Variants in PCDHAC2 observed in about 807,000 individuals in gnomAD.
PCDHAC2 encodes the protein protocadherin alpha-C2.
A neutral mutation model predicts 63.3 loss-of-function variants in PCDHAC2; 24 were observed. The ratio of observed to expected loss-of-function variants is 0.38; its 90% CI spans 0.27 to 0.53. The LOEUF (loss-of-function observed/expected upper bound fraction) is 0.53. Among genes scored for constraint, PCDHAC2 ranks in the 20% least tolerant of loss-of-function variants. The pLI, the probability that PCDHAC2 is intolerant of heterozygous loss-of-function variation, is 0.81. For missense variants in PCDHAC2, 1,181 were observed against 1,275.2 expected (o/e 0.93, Z 1.12); for synonymous variants, 569 against 529.4 (o/e 1.07, Z -1.03).
intron 3 of PCDHAC2, among the ~76,000 whole-genome samples, chr5:141,005,530 C>T (rs920110529): frequency 1.3e-5 from 2 of 151,002 alleles, no homozygotes; most frequent in Non-Finnish European, 3.0e-5. Context: ...GGTGAAACCC[C>T]GTCTCTACTA....
At chr5:141,003,095 T>C (rs1245011518) in intron 3 of PCDHAC2, among the ~76,000 whole-genome samples, 3 of 152,258 alleles carry the variant, frequency 2.0e-5, no homozygotes, top group African/African-American at 7.2e-5. Flanking sequence ...AGGCCTGGCA[T>C]TTGCTTCACA....
rs139974024 is a variant in PCDHAC2 at position 140,967,301 on chromosome 5, G to A, written c.535G>A (p.Ala179Thr). 5.0e-5 allele frequency: 81 copies of A among 1,612,148 alleles called. No homozygotes were observed. In the African/African-American group the frequency reaches 9.1e-4, roughly 18 times the overall value. ...IESAQDPDVG[A>T]NSVQTYELSP... ...GAGTGCGCAGGACCCCGACGTGGGC[G>A]CCAACTCAGTACAGACCTACGAGCT... Residue 179 changes from alanine (A) to threonine (T), a missense_variant, in exon 1 of 4, where the codon GCC becomes ACC. This residue lies in a region of PCDHAC2 where 968 missense variants were observed against 1,073.5 expected (regional missense o/e 0.90). Coordinates refer to ENST00000289269, the MANE Select transcript of PCDHAC2 (RefSeq NM_018899.6).
intron 3 of PCDHAC2, among the ~76,000 whole-genome samples, chr5:140,992,189 G>T (rs1554252741): frequency 6.6e-6 from 1 of 152,098 alleles, no homozygotes; most frequent in Non-Finnish European, 1.5e-5. Context: ...TGCTTTCAGT[G>T]ATCTATCCAA....
chr5:140,967,879 T>C lies in PCDHAC2; in HGVS notation c.1113T>C (p.Tyr371=). Residue 371 remains tyrosine (Y), a synonymous_variant, in exon 1 of 4, where the codon TAT becomes TAC. Coordinates refer to ENST00000289269, the MANE Select transcript of PCDHAC2 (RefSeq NM_018899.6). ...NAPEVVLTDL[Y]SPVPENATPN... ...CAGAGGTGGTGCTCACGGACCTGTA[T>C]AGCCCAGTGCCTGAGAATGCTACAC... 6.2e-7 allele frequency: 1 copy of C among 1,614,104 alleles called. No homozygotes were observed. Among genetic ancestry groups the C allele is most frequent in the Non-Finnish European group, 8.5e-7 (1 of 1,179,998 alleles).
Position 140,967,085 on chromosome 5 carries a change from C to A in PCDHAC2, c.319C>A (p.Arg107=), listed in dbSNP as rs155809. Residue 107 remains arginine (R), a synonymous_variant, in exon 1 of 4, where the codon CGG becomes AGG. Coordinates refer to ENST00000289269, the MANE Select transcript of PCDHAC2 (RefSeq NM_018899.6). ...GCTCTTCGTCAACGAGCGCATTGAT[C>A]GGGAGGCGCTGTGTGAGCAGCGGCC... The part of the protein sequence containing the change: ...GALFVNERID[R]EALCEQRPRC... The A allele has an allele frequency of 3.0e-3, 4,870 of 1,613,198 alleles. 112 individuals are homozygous for A. The African/African-American group carries it at 0.056, about 18-fold the overall frequency.
At chr5:140,996,947 T>C (rs1224598113) in intron 3 of PCDHAC2, among the ~76,000 whole-genome samples, 2 of 152,176 alleles carry the variant, frequency 1.3e-5, no homozygotes, top group Non-Finnish European at 2.9e-5. Context: ...CATAGAAATA[T>C]TTATTTCCCT....
At chr5:140,989,321 C>T (rs898791820) in intron 3 of PCDHAC2, among the ~76,000 whole-genome samples, 2 of 152,296 alleles carry the variant, frequency 1.3e-5, no homozygotes, top group Non-Finnish European at 1.5e-5. Context: ...GTCTCACCAA[C>T]TTTGCCACCT....
intron 3 of PCDHAC2, among the ~76,000 whole-genome samples, chr5:141,003,801 A>T (rs1554259323): frequency 1.3e-5 from 2 of 152,172 alleles, no homozygotes; most frequent in African/African-American, 4.8e-5. Context: ...ATTGGGTTGT[A>T]ATCTGTAGTC....
At chr5:141,000,361 GTCTCTCTCTCTCTCTCTC>G (rs148596731) in intron 3 of PCDHAC2, among the ~76,000 whole-genome samples, 25 of 26,446 alleles carry the variant, frequency 9.5e-4, no homozygotes, top group African/African-American at 4.9e-3. Context: ...GTCTCTCTCT[GTCTCTCTCTCTCTCTCTC>G]TCTCTCTCTC....
intron 3 of PCDHAC2, among the ~76,000 whole-genome samples, chr5:141,005,737 G>GATGAGAA (rs1365089563): frequency 2.8e-5 from 4 of 143,576 alleles, no homozygotes; most frequent in Non-Finnish European, 6.0e-5. Context: ...AAAAAGAATG[G>GATGAGAA]ATGAGAAATC....
chr5:141,004,423 C>T (rs2098165944), intron 3 of PCDHAC2, among the ~76,000 whole-genome samples: 1 of 152,202 alleles, frequency 6.6e-6, no homozygotes, highest in Non-Finnish European at 1.5e-5. Context: ...TCTCTGCCTC[C>T]TGGAGTTTAG....
At chr5:140,972,415 A>G (rs1048437043) in intron 1 of PCDHAC2, among the ~76,000 whole-genome samples, 2 of 152,138 alleles carry the variant, frequency 1.3e-5, no homozygotes, top group East Asian at 3.9e-4. Flanking sequence ...AACCCTGTTA[A>G]GATCTTTTAT....
At chr5:141,007,459 T>A (rs1323177537) in intron 3 of PCDHAC2, among the ~76,000 whole-genome samples, 1 of 149,426 alleles carries the variant, frequency 6.7e-6, no homozygotes, top group Non-Finnish European at 1.5e-5. Context: ...TCCCAGCTAC[T>A]CAGGAGGCTG....
intron 3 of PCDHAC2, among the ~76,000 whole-genome samples, chr5:140,982,904 T>G (rs1353983952): frequency 1.3e-5 from 2 of 151,900 alleles, no homozygotes; most frequent in African/African-American, 4.8e-5. Context: ...GGTGGCCTTA[T>G]GCACAGAGAT....
At chr5:140,993,463 CACACACACACACACACACA>C (rs1563592092) in intron 3 of PCDHAC2, among the ~76,000 whole-genome samples, 163 of 7,580 alleles carry the variant, frequency 0.022, 1 homozygote, top group African/African-American at 0.091. Context: ...CTTTCTTTCT[CACACACACACACACACACA>C]CACACACACA....
At chr5:140,985,000 C>T (rs1237251178) in intron 3 of PCDHAC2, among the ~76,000 whole-genome samples, 5 of 151,948 alleles carry the variant, frequency 3.3e-5, no homozygotes, top group Non-Finnish European at 7.4e-5. Context: ...TCCAGTGGCA[C>T]GATATCGGCT....
intron 3 of PCDHAC2, among the ~76,000 whole-genome samples, chr5:141,002,340 TTC>T (rs1554258614): frequency 5.3e-4 from 81 of 152,342 alleles, no homozygotes; most frequent in African/African-American, 1.9e-3. Flanking sequence ...TCCGCACCCC[TTC>T]CCCCACCTCC....
chr5:141,010,296 G>C lies in PCDHAC2; in HGVS notation c.*359G>C. On this transcript the variant is annotated 3_prime_UTR_variant, in exon 4 of 4. Transcript: ENST00000289269. ...CTGTCTTGATGACACTTGCAGGGCA[G>C]GCTGAAAAGTTTTGAGATTGAGCAG... The C allele has an allele frequency of 1.3e-6, 2 of 1,549,428 alleles. No individual in the cohort carries two copies. The highest frequency in any genetic ancestry group is 1.7e-6 in the Non-Finnish European group (2 of 1,146,352).
chr5:140,977,665 A>G (rs1554238741), intron 1 of PCDHAC2, among the ~76,000 whole-genome samples: 1 of 152,202 alleles, frequency 6.6e-6, no homozygotes, highest in Non-Finnish European at 1.5e-5. Flanking sequence ...AATTCTCTGC[A>G]TGCCAAATAT....
Sources: allele counts gnomAD v4.1 joint callset (sites outside exome capture counted in the v4.1 genomes callset), GRCh38; gene constraint gnomAD v4.1.1; regional missense constraint gnomAD v4.1.1; transcripts MANE v1.5; gene names NCBI Gene and HGNC (gene_info 2026-07-23, HGNC 2026-07-21).